PPP6C: variants seen among roughly 807,000 people sequenced by gnomAD.
PPP6C encodes the protein serine/threonine-protein phosphatase 6 catalytic subunit.
A neutral mutation model predicts 39.8 loss-of-function variants in PPP6C; 11 were observed. The ratio of observed to expected loss-of-function variants is 0.28; its 90% CI spans 0.17 to 0.46. The LOEUF (loss-of-function observed/expected upper bound fraction) is 0.46. PPP6C is among the 20% of genes least tolerant of loss of function. The probability of loss-of-function intolerance (pLI) is 1.00; values close to 1 mark genes in which losing one functional copy is unlikely to be tolerated. For missense variants in PPP6C, 211 were observed against 373.9 expected, an observed-to-expected ratio of 0.56 and a Z score of 3.59; for synonymous variants, 129 against 130.3, an observed-to-expected ratio of 0.99 and a Z score of 0.07.
chr9:125,180,839 C>A (rs1467941533), intron 1 of PPP6C, among the ~76,000 whole-genome samples: 1 of 152,136 alleles, frequency 6.6e-6, no homozygotes, highest in Non-Finnish European at 1.5e-5. Flanking sequence ...ATGTGCTAGC[C>A]TGAAAATAAC....
intron 2 of PPP6C, among the ~76,000 whole-genome samples, chr9:125,167,397 A>AAAAAAAAAAAAC (rs1564152126): frequency 3.1e-5 from 4 of 129,518 alleles, no homozygotes; most frequent in African/African-American, 1.2e-4. Flanking sequence ...AAAAAAAAAA[A>AAAAAAAAAAAAC]AAGAAATAAA....
chr9:125,162,682 A>C (rs1828910337), intron 2 of PPP6C, among the ~76,000 whole-genome samples: 1 of 151,300 alleles, frequency 6.6e-6, no homozygotes, highest in African/African-American at 2.4e-5. Flanking sequence ...AGGCTGAGGC[A>C]GGAGAATCAC....
At position 125,148,789 on chromosome 9, in the gene PPP6C, TAGAG is replaced by T. The variant is rs1835866633; in HGVS notation, c.*880_*883del. On this transcript the variant is annotated 3_prime_UTR_variant, in exon 7 of 7. Coordinates refer to ENST00000373547, the MANE Select transcript of PPP6C (RefSeq NM_002721.5). ...AGTATTAAATGTTTTTCTATTACTA[TAGAG>T]GATATAAACCAAAACATTAATATGG... 6.6e-6 allele frequency: 1 copy of T among 152,206 alleles called. No individual in the cohort carries two copies. The highest frequency in any genetic ancestry group is 2.4e-5 in the African/African-American group (1 of 41,460). The allele number at this position is 152,206 out of a possible 1,614,324, so 9.4% of individuals were successfully genotyped here. A position where few individuals can be genotyped will look rare whatever the true frequency, so the allele number is the denominator to read the frequency against.
chr9:125,152,246 T>C (rs960279322), intron 6 of PPP6C, among the ~76,000 whole-genome samples: 2 of 152,142 alleles, frequency 1.3e-5, no homozygotes, highest in African/African-American at 4.8e-5. Context: ...TGATTTGGCT[T>C]TACCTTCATC....
intron 3 of PPP6C, among the ~76,000 whole-genome samples, chr9:125,160,104 T>C (rs1828825134): frequency 6.6e-6 from 1 of 152,094 alleles, no homozygotes; most frequent in Non-Finnish European, 1.5e-5. Flanking sequence ...AACAGTAACA[T>C]TACATTCCAA....
intron 1 of PPP6C, among the ~76,000 whole-genome samples, chr9:125,171,549 GGTTTTTTT>G (rs1829166387): frequency 7.8e-6 from 1 of 128,432 alleles, no homozygotes; most frequent in Admixed American, 8.5e-5. Flanking sequence ...AAGGTTTTTG[GGTTTTTTT>G]GTTTTTTTTT....
At chr9:125,188,818 A>AAT (rs535765750) in intron 1 of PPP6C, 13 of 423,806 alleles carry the variant, frequency 3.1e-5, no homozygotes, top group Non-Finnish European at 4.6e-5. Flanking sequence ...TAATAATAAT[A>AAT]ATTAAAAAGT....
At chr9:125,158,113 G>A in intron 4 of PPP6C, 128 bp downstream of exon 4, 1 of 930,676 alleles carries the variant, frequency 1.1e-6, no homozygotes, top group Non-Finnish European at 1.6e-6. Context: ...TCAATTGTTT[G>A]GGAGGAGTGA....
rs1338858656 is a variant in PPP6C, at chr9:125,149,941, T to C, written c.670-20A>G. On this transcript the variant is annotated intron_variant, in intron 6 of 6. Transcript: ENST00000373547. ...AACAAACTGCAATTTAGAAAGGCACTGTAAGTACTTAGCACTTAAAAAACA... is the reference window on the plus strand; with the variant it reads ...AACAAACTGCAATTTAGAAAGGCACCGTAAGTACTTAGCACTTAAAAAACA... 8 of 1,609,642 alleles carry C rather than the reference T, an allele frequency of 5.0e-6. No individual in the cohort carries two copies. The highest frequency in any genetic ancestry group is 1.3e-5 in the African/African-American group (1 of 74,746).
intron 4 of PPP6C, among the ~76,000 whole-genome samples, chr9:125,156,605 A>T (rs1370295638): frequency 6.6e-6 from 1 of 152,212 alleles, no homozygotes; most frequent in African/African-American, 2.4e-5. Flanking sequence ...AGATAATTCA[A>T]AATATAAAAT....
chr9:125,173,027 A>G (rs1302548228), intron 1 of PPP6C, among the ~76,000 whole-genome samples: 1 of 152,208 alleles, frequency 6.6e-6, no homozygotes, highest in Non-Finnish European at 1.5e-5. Flanking sequence ...CTGTAATCCC[A>G]GCATTTTGGG....
At chr9:125,172,423 T>C (rs886576470) in intron 1 of PPP6C, among the ~76,000 whole-genome samples, 3 of 152,094 alleles carry the variant, frequency 2.0e-5, no homozygotes, top group African/African-American at 7.2e-5. Context: ...GTCAGGCTGG[T>C]CTCAAACTCC....
chr9:125,165,795 C>CTTTTTTTTTTTTTTT (rs781221037), intron 2 of PPP6C, among the ~76,000 whole-genome samples: 6 of 113,630 alleles, frequency 5.3e-5, no homozygotes, highest in African/African-American at 7.0e-5. Context: ...TAATCTTTTG[C>CTTTTTTTTTTTTTTT]TTTTTTTTTT....
chr9:125,189,015 A>C (rs1456424836), intron 1 of PPP6C: 1 of 1,208,702 alleles, frequency 8.3e-7, no homozygotes, highest in African/African-American at 1.5e-5. Flanking sequence ...TATCCACTTC[A>C]GTAAGCTCAA....
At chr9:125,181,155 A>G (rs1372665201) in intron 1 of PPP6C, among the ~76,000 whole-genome samples, 1 of 152,038 alleles carries the variant, frequency 6.6e-6, no homozygotes, top group African/African-American at 2.4e-5. Context: ...ACGCTACGTG[A>G]CTCAATCAAC....
At chr9:125,174,813 G>A (rs910426719) in intron 1 of PPP6C, among the ~76,000 whole-genome samples, 1 of 152,130 alleles carries the variant, frequency 6.6e-6, no homozygotes, top group Non-Finnish European at 1.5e-5. Context: ...TTGGGAGGTT[G>A]AGACAGGAGA....
rs1218917748 is a variant in PPP6C at position 125,158,314 on chromosome 9, T to C, written c.306A>G (p.Lys102=). The C allele has an allele frequency of 1.2e-6, 2 of 1,612,068 alleles. No individual in the cohort carries two copies. Among genetic ancestry groups the C allele is most frequent in the Admixed American group, 1.7e-5 (1 of 60,024 alleles). The part of the protein sequence containing the change: ...TFTYLLALKA[K]WPDRITLLRG... ...GCAAAAGTGTAATACGATCAGGCCA[T>C]TTAGCCTTTAATGCAAGAAGGTAAG... The change falls in exon 4 of 7, where the codon AAA becomes AAG. Residue 102 remains lysine, a synonymous_variant. Transcript: ENST00000373547.
At chr9:125,150,421 G>GGGGTGTGTGT (rs1554720640) in intron 6 of PPP6C, among the ~76,000 whole-genome samples, 1 of 149,856 alleles carries the variant, frequency 6.7e-6, no homozygotes, top group East Asian at 2.0e-4. Flanking sequence ...CAATATAAGG[G>GGGGTGTGTGT]GTGTGTGTGT....
chr9:125,175,690 G>C (rs1223698341), intron 1 of PPP6C, among the ~76,000 whole-genome samples: 1 of 149,674 alleles, frequency 6.7e-6, no homozygotes, highest in African/African-American at 2.5e-5. Flanking sequence ...TTTCTCACTT[G>C]ACTTAGATAA....
Sources: allele counts gnomAD v4.1 joint callset (sites outside exome capture counted in the v4.1 genomes callset), GRCh38; gene constraint gnomAD v4.1.1; transcripts MANE v1.5; gene names NCBI Gene and HGNC (gene_info 2026-07-23, HGNC 2026-07-21).